Variants in ITPR2 observed in about 807,000 individuals in gnomAD.
The protein encoded by ITPR2 is inositol 1,4,5-trisphosphate-gated calcium channel ITPR2.
In ITPR2, 207 loss-of-function variants were observed where a neutral mutation model predicts 317.1. The observed-to-expected ratio is 0.65, with a 90% CI of 0.58 to 0.73. ITPR2 has a LOEUF of 0.73. ITPR2 is among the 30% of genes least tolerant of loss of function. ITPR2 has a pLI of 0.00. For missense variants in ITPR2, 2,613 were observed against 3,284.0 expected, an observed-to-expected ratio of 0.80 and a Z score of 4.99; for synonymous variants, 1,156 against 1,149.1, an observed-to-expected ratio of 1.01 and a Z score of -0.12.
At chr12:26,593,079 A>G (rs1945748701) in intron 32 of ITPR2, among the ~76,000 whole-genome samples, 1 of 152,196 alleles carries the variant, frequency 6.6e-6, no homozygotes, top group Admixed American at 6.5e-5. Flanking sequence ...AAACTGAGCT[A>G]CTGAGAGGCA....
chr12:26,787,139 C>T (rs1950269373), intron 2 of ITPR2, among the ~76,000 whole-genome samples: 6 of 151,986 alleles, frequency 3.9e-5, no homozygotes, highest in Admixed American at 3.9e-4. Context: ...GTTAAGAAGG[C>T]CAGGGCAGAG....
At chr12:26,599,395 A>G (rs200800748) in intron 29 of ITPR2, 50 bp from the exon 30 acceptor site, 4 of 1,510,098 alleles carry the variant, frequency 2.6e-6, no homozygotes, top group Non-Finnish European at 2.8e-6. Flanking sequence ...TCAATTTTCT[A>G]TTCTACAGTA....
chr12:26,715,006 A>T (rs1278511121), intron 8 of ITPR2, among the ~76,000 whole-genome samples: 7 of 152,142 alleles, frequency 4.6e-5, no homozygotes, highest in Non-Finnish European at 1.0e-4. Flanking sequence ...GACATTTCAC[A>T]ATTGATTTGT....
chr12:26,494,025 C>T, intron 39 of ITPR2, 128 bp downstream of exon 39: 1 of 585,378 alleles, frequency 1.7e-6, no homozygotes, highest in Non-Finnish European at 2.7e-6. Flanking sequence ...AAGTGTGATA[C>T]ATGGATTTTT....
intron 44 of ITPR2, among the ~76,000 whole-genome samples, 189 bp from the exon 45 acceptor site, chr12:26,475,607 T>A (rs1274418244): frequency 6.6e-6 from 1 of 152,196 alleles, no homozygotes; most frequent in African/African-American, 2.4e-5. Flanking sequence ...ATTCCCCTTT[T>A]CCTTGGAAAT....
At chr12:26,536,654 G>GCCTGAGTTAGCAATCAT (rs1944100859) in intron 37 of ITPR2, among the ~76,000 whole-genome samples, 1 of 152,240 alleles carries the variant, frequency 6.6e-6, no homozygotes, top group African/African-American at 2.4e-5. Flanking sequence ...AGCAAGAACT[G>GCCTGAGTTAGCAATCAT]GGTGGTGGAC....
intron 47 of ITPR2, among the ~76,000 whole-genome samples, chr12:26,437,462 A>G (rs1941383278): frequency 6.6e-6 from 1 of 152,194 alleles, no homozygotes; most frequent in Admixed American, 6.5e-5. Context: ...AATGTATCAT[A>G]AACTATAAAC....
At chr12:26,386,015 C>T (rs540565314) in intron 55 of ITPR2, among the ~76,000 whole-genome samples, 2 of 152,074 alleles carry the variant, frequency 1.3e-5, no homozygotes, top group Non-Finnish European at 2.9e-5. Flanking sequence ...ATCTATTCAT[C>T]CAAGGCATAT....
chr12:26,499,906 A>C (rs143064518), intron 37 of ITPR2, among the ~76,000 whole-genome samples: 1 of 152,342 alleles, frequency 6.6e-6, no homozygotes, highest in Admixed American at 6.5e-5. Context: ...TTACAACTTC[A>C]ACTAAAGTTG....
At chr12:26,725,965 C>A in intron 2 of ITPR2, 200 bp from the exon 3 acceptor site, 1 of 443,178 alleles carries the variant, frequency 2.3e-6, no homozygotes, top group Non-Finnish European at 4.0e-6. Flanking sequence ...TTAAAATATC[C>A]ACTTCTTCAT....
chr12:26,500,259 T>C (rs889298873), intron 37 of ITPR2, among the ~76,000 whole-genome samples: 20 of 152,314 alleles, frequency 1.3e-4, no homozygotes, highest in African/African-American at 4.8e-4. Context: ...TGCAGAATCA[T>C]TGTCAGAAAT....
chr12:26,822,340 T>A (rs1052248480), intron 1 of ITPR2, among the ~76,000 whole-genome samples: 2 of 152,144 alleles, frequency 1.3e-5, no homozygotes, highest in African/African-American at 4.8e-5. Flanking sequence ...CCTGCATTCA[T>A]GGGAATCTAT....
chr12:26,789,687 T>A (rs1950311461), intron 2 of ITPR2, among the ~76,000 whole-genome samples: 1 of 152,218 alleles, frequency 6.6e-6, no homozygotes, highest in South Asian at 2.1e-4. Context: ...ATTTCAAAAA[T>A]TATACTTAGG....
At chr12:26,730,976 C>A (rs1183831014) in intron 2 of ITPR2, among the ~76,000 whole-genome samples, 1 of 152,194 alleles carries the variant, frequency 6.6e-6, no homozygotes, top group East Asian at 1.9e-4. Flanking sequence ...AAATGTTTTG[C>A]TTTGAACCTG....
At chr12:26,599,469 T>C in intron 29 of ITPR2, 124 bp from the exon 30 acceptor site, 1 of 821,628 alleles carries the variant, frequency 1.2e-6, no homozygotes. Flanking sequence ...GTGAATTTTC[T>C]GTGCATGTCT....
intron 21 of ITPR2, among the ~76,000 whole-genome samples, chr12:26,634,541 T>C (rs1946823622): frequency 1.3e-5 from 2 of 152,152 alleles, no homozygotes; most frequent in African/African-American, 4.8e-5. Flanking sequence ...GTACAAAGTG[T>C]AATGAGATAA....
intron 40 of ITPR2, 26 bp downstream of exon 40, chr12:26,487,042 T>C: frequency 6.3e-7 from 1 of 1,585,954 alleles, no homozygotes; most frequent in African/African-American, 1.3e-5. Context: ...CACTCTGTTC[T>C]CCCAAATACT....
chr12:26,744,606 T>G (rs994887613), intron 2 of ITPR2, among the ~76,000 whole-genome samples: 1 of 152,178 alleles, frequency 6.6e-6, no homozygotes, highest in African/African-American at 2.4e-5. Flanking sequence ...AACACAGACA[T>G]GAACATACGA....
chr12:26,749,476 C>T (rs1949380579), intron 2 of ITPR2, among the ~76,000 whole-genome samples: 1 of 152,258 alleles, frequency 6.6e-6, no homozygotes, highest in African/African-American at 2.4e-5. Flanking sequence ...TGGTCCAATA[C>T]ATTCACCACC....
Sources: allele counts gnomAD v4.1 joint callset (sites outside exome capture counted in the v4.1 genomes callset), GRCh38; gene constraint gnomAD v4.1.1; transcripts MANE v1.5; gene names NCBI Gene and HGNC (gene_info 2026-07-23, HGNC 2026-07-21).